The following FBN2 variants were observed in gnomAD, a reference collection of about 807,000 sequenced individuals.
FBN2 encodes the protein fibrillin-2.
Under a neutral mutation model 355.6 loss-of-function variants are expected in FBN2, and 105 were observed. The observed-to-expected ratio is 0.30, with a 90% confidence interval of 0.25 to 0.35. The LOEUF (loss-of-function observed/expected upper bound fraction) is 0.35. FBN2 is among the 10% of genes least tolerant of loss of function. The probability of loss-of-function intolerance (pLI) is 1.00; values close to 1 mark genes in which losing one functional copy is unlikely to be tolerated. For synonymous variants in FBN2, 1,350 were observed against 1,301.2 expected (o/e 1.04, Z -0.81); for missense variants, 3,280 against 3,758.7 (o/e 0.87, Z 3.33).
At chr5:128,506,875 T>A (rs1317067145) in intron 5 of FBN2, among the ~76,000 whole-genome samples, 1 of 152,124 alleles carries the variant, frequency 6.6e-6, no homozygotes, top group Non-Finnish European at 1.5e-5. Context: ...ACACTCTGAT[T>A]TTTTAGAATT....
intron 7 of FBN2, among the ~76,000 whole-genome samples, chr5:128,416,850 A>T (rs751802168): frequency 6.6e-6 from 1 of 152,068 alleles, no homozygotes; most frequent in Non-Finnish European, 1.5e-5. Context: ...CATTGATTCT[A>T]TATGAATTTT....
intron 8 of FBN2, among the ~76,000 whole-genome samples, chr5:128,400,766 C>T (rs1388704303): frequency 6.6e-6 from 1 of 152,068 alleles, no homozygotes; most frequent in African/African-American, 2.4e-5. Flanking sequence ...GGACCAAATA[C>T]AGTAACACAT....
chr5:128,357,495 G>A, intron 19 of FBN2, 100 bp from the exon 20 acceptor site: 1 of 1,456,524 alleles, frequency 6.9e-7, no homozygotes, highest in Non-Finnish European at 9.6e-7. Context: ...GGTAAACTTG[G>A]CTCTGGTAAT....
intron 5 of FBN2, among the ~76,000 whole-genome samples, chr5:128,508,662 C>T (rs111967874): frequency 1.1e-4 from 17 of 152,046 alleles, no homozygotes; most frequent in East Asian, 3.9e-4. Context: ...CACATAGTTA[C>T]GTTTTTTGAT....
At position 128,446,459 on chromosome 5, in the gene FBN2, T is replaced by C. The variant is rs766038898; in HGVS notation, c.952+22A>G. ...GCATTAAAGTCACAATTAGGCATGCTTCCCAAAGTAGAGAGACTCACCTTC... is the reference window on the plus strand; with the variant it reads ...GCATTAAAGTCACAATTAGGCATGCCTCCCAAAGTAGAGAGACTCACCTTC... On this transcript the variant is annotated intron_variant, in intron 7 of 64. Transcript: ENST00000262464. The C allele has an allele frequency of 1.3e-5, 21 of 1,612,548 alleles. No individual in the cohort carries two copies. In the Admixed American group the frequency reaches 2.7e-4, roughly 20 times the overall value.
chr5:128,268,535 A>C (rs1765177955), intron 62 of FBN2, among the ~76,000 whole-genome samples: 1 of 152,234 alleles, frequency 6.6e-6, no homozygotes, highest in East Asian at 1.9e-4. Context: ...TGAAGGTAGC[A>C]TCATCCTGAT....
At chr5:128,382,893 A>G (rs1365471558) in intron 11 of FBN2, among the ~76,000 whole-genome samples, 3 of 152,034 alleles carry the variant, frequency 2.0e-5, no homozygotes, top group Admixed American at 1.3e-4. Flanking sequence ...TCATTCCACA[A>G]TCTTTGCACT....
At chr5:128,366,326 T>C (rs764497794) in intron 17 of FBN2, 51 bp downstream of exon 17, 1 of 932,508 alleles carries the variant, frequency 1.1e-6, no homozygotes, top group Non-Finnish European at 1.7e-6. Flanking sequence ...ATTATAAAGC[T>C]ATACGATTAT....
At chr5:128,363,983 T>C (rs1751704559) in intron 18 of FBN2, among the ~76,000 whole-genome samples, 1 of 152,234 alleles carries the variant, frequency 6.6e-6, no homozygotes, top group African/African-American at 2.4e-5. Context: ...AAAACTATCA[T>C]GCACAATGAT....
At chr5:128,461,925 A>T (rs1446057065) in intron 6 of FBN2, among the ~76,000 whole-genome samples, 1 of 152,220 alleles carries the variant, frequency 6.6e-6, no homozygotes, top group East Asian at 1.9e-4. Flanking sequence ...ATACTCCTGT[A>T]ACAAACCTAC....
chr5:128,425,818 A>G (rs1753468853), intron 7 of FBN2, among the ~76,000 whole-genome samples: 1 of 152,196 alleles, frequency 6.6e-6, no homozygotes, highest in Non-Finnish European at 1.5e-5. Flanking sequence ...AGACACATAC[A>G]TGTGCAATTT....
At chr5:128,525,189 C>A (rs1187821392) in intron 4 of FBN2, among the ~76,000 whole-genome samples, 2 of 152,146 alleles carry the variant, frequency 1.3e-5, no homozygotes, top group African/African-American at 2.4e-5. Context: ...TGAGGCAAGG[C>A]AAGGCGCTTT....
At chr5:128,293,334 G>A (rs1458770472) in intron 48 of FBN2, among the ~76,000 whole-genome samples, 1 of 151,984 alleles carries the variant, frequency 6.6e-6, no homozygotes, top group African/African-American at 2.4e-5. Context: ...TCTACTATAA[G>A]TACAAAAATT....
intron 8 of FBN2, 138 bp downstream of exon 8, chr5:128,408,536 T>C: frequency 9.9e-7 from 1 of 1,009,092 alleles, no homozygotes; most frequent in East Asian, 2.6e-5. Context: ...AATCCCTCAA[T>C]ACTGGTACCG....
At chr5:128,503,537 G>A (rs897352144) in intron 5 of FBN2, among the ~76,000 whole-genome samples, 4 of 152,140 alleles carry the variant, frequency 2.6e-5, no homozygotes, top group Admixed American at 2.6e-4. Context: ...AGATGGAGAT[G>A]AGGAACTTGT....
At chr5:128,524,676 T>C (rs1390607068) in intron 4 of FBN2, among the ~76,000 whole-genome samples, 1 of 152,194 alleles carries the variant, frequency 6.6e-6, no homozygotes, top group African/African-American at 2.4e-5. Context: ...ACACTCTTTC[T>C]ATATAAGACG....
Position 128,378,897 on chromosome 5 carries a change from G to A in FBN2, c.1604-7C>T, listed in dbSNP as rs2126960298. ...GATGTGCATTCATCAACATCTGTGA[G>A]CAGCAAAAGAAACCATTATAGACTT... On this transcript the variant is annotated splice_region_variant and splice_polypyrimidine_tract_variant and intron_variant, in intron 11 of 64. Transcript: ENST00000262464. 1 of 1,612,872 alleles carries A rather than the reference G, an allele frequency of 6.2e-7. No individual in the cohort carries two copies. Among genetic ancestry groups the A allele is most frequent in the Non-Finnish European group, 8.5e-7 (1 of 1,179,116 alleles).
chr5:128,468,881 A>G (rs1451575278), intron 5 of FBN2, among the ~76,000 whole-genome samples: 2 of 152,232 alleles, frequency 1.3e-5, no homozygotes, highest in Non-Finnish European at 2.9e-5. Flanking sequence ...CCTTTTCATA[A>G]CATGTTGAGA....
chr5:128,511,753 G>T (rs1032924340), intron 5 of FBN2, among the ~76,000 whole-genome samples: 1 of 152,112 alleles, frequency 6.6e-6, no homozygotes, highest in African/African-American at 2.4e-5. Flanking sequence ...AGGAAGGTAG[G>T]GTGGTCAAAG....
Sources: gnomAD v4.1 joint callset for allele counts (sites outside exome capture counted in the v4.1 genomes callset) on GRCh38, gnomAD v4.1.1 for gene constraint, MANE v1.5 for transcripts, NCBI Gene and HGNC (gene_info 2026-07-23, HGNC 2026-07-21) for gene names.